USP20: variants seen among roughly 807,000 people sequenced by gnomAD.
USP20 encodes ubiquitin carboxyl-terminal hydrolase 20.
Under a neutral mutation model 124.2 loss-of-function variants are expected in USP20, and 80 were observed. The observed-to-expected ratio is 0.64, with a 90% CI of 0.54 to 0.78. The LOEUF is 0.78. Among genes scored for constraint, USP20 ranks in the 30% least tolerant of loss-of-function variants. The pLI is 0.00. For synonymous variants in USP20, 481 were observed against 512.3 expected (o/e 0.94, Z 0.83); for missense variants, 1,043 against 1,244.4 (o/e 0.84, Z 2.44).
chr9:129,869,306 C>T lies in USP20; in HGVS notation c.1277-4C>T. 1 of 1,612,444 alleles carries T rather than the reference C, an allele frequency of 6.2e-7. No homozygotes were observed. Among genetic ancestry groups the T allele is most frequent in the Non-Finnish European group, 8.5e-7 (1 of 1,179,014 alleles). ...GCTGGGCTAGTCCTGTGCTGTGTCCCCAGCCCAGGTATTGAGTGCTGGCAG... is the reference window on the plus strand; with the variant it reads ...GCTGGGCTAGTCCTGTGCTGTGTCCTCAGCCCAGGTATTGAGTGCTGGCAG... On this transcript the variant is annotated splice_polypyrimidine_tract_variant and splice_region_variant and intron_variant, in intron 12 of 25. Coordinates refer to ENST00000372429, the MANE Select transcript of USP20 (RefSeq NM_001110303.4).
intron 17 of USP20, among the ~76,000 whole-genome samples, chr9:129,874,328 G>T (rs536487867): frequency 6.6e-6 from 1 of 152,310 alleles, no homozygotes; most frequent in South Asian, 2.1e-4. Flanking sequence ...CTTCTCAAAG[G>T]TAGTGCCGAC....
chr9:129,853,125 T>A (rs1015698384), intron 3 of USP20, among the ~76,000 whole-genome samples: 1 of 152,186 alleles, frequency 6.6e-6, no homozygotes, highest in Non-Finnish European at 1.5e-5. Context: ...AAGAAGTCCT[T>A]CTCTCACCCC....
intron 1 of USP20, among the ~76,000 whole-genome samples, chr9:129,842,485 A>C (rs1395698612): frequency 1.3e-5 from 2 of 152,150 alleles, no homozygotes; most frequent in Non-Finnish European, 2.9e-5. Flanking sequence ...GTACATGGTC[A>C]GTGTTGGTTG....
intron 3 of USP20, among the ~76,000 whole-genome samples, chr9:129,853,187 A>C (rs1372251668): frequency 8.3e-6 from 1 of 120,276 alleles, no homozygotes; most frequent in African/African-American, 3.1e-5. Flanking sequence ...TCTCTTTTGT[A>C]TCTTTTCAGT....
chr9:129,876,251 AG>A lies in USP20; in HGVS notation c.2409+15del. ...CACCTTCATCAAGGTGCGTGCGGCG[AG>A]GCGGCGCGGGGGCGGCTCTGCCAGC... is the stretch of plus-strand genomic sequence containing the variant. On this transcript the variant is annotated intron_variant, in intron 22 of 25. Transcript: ENST00000372429. 1 of 1,602,170 alleles carries A rather than the reference AG, an allele frequency of 6.2e-7. No homozygotes were observed. The highest frequency in any genetic ancestry group is 1.1e-5 in the South Asian group (1 of 89,508).
In USP20 at chr9:129,856,267, C is replaced by T. The variant is rs761999452; in HGVS notation, c.82-40C>T. 9 of 1,605,966 alleles carry T rather than the reference C, an allele frequency of 5.6e-6. No individual in the cohort carries two copies. In the African/African-American group the frequency reaches 6.7e-5, roughly 12 times the overall value. ...TCAGTGCTCAGCCCCGCAACGGGCT[C>T]CTCATGCCTGCTCTTTTTCTCTCCT... On this transcript the variant is annotated intron_variant, in intron 3 of 25. Transcript: ENST00000372429.
intron 15 of USP20, among the ~76,000 whole-genome samples, chr9:129,870,881 T>C (rs2034088345): frequency 6.6e-6 from 1 of 152,260 alleles, no homozygotes; most frequent in South Asian, 2.1e-4. Context: ...ACTGGCTCTA[T>C]GTATTTATTT....
At chr9:129,857,133 T>C (rs7023998) in intron 4 of USP20, among the ~76,000 whole-genome samples, 133,416 of 152,064 alleles carry the variant, frequency 0.88, 58,912 homozygotes, top group East Asian at 1. Context: ...TTTGCAGAAG[T>C]GCAGGGGCCT....
rs1318860976 is a variant in USP20 at position 129,879,848 on chromosome 9, C to G, written c.2584+204C>G. On this transcript the variant is annotated intron_variant, in intron 24 of 25. Transcript: ENST00000372429. This position sits in a 1 kb window ranked among gnomAD's most constrained non-coding sequence, Gnocchi z 4.2. ...TGTCCTCCAGGTCCCACCCCTCTGC[C>G]TGCTGCTGGCCTTGCCCACCCTGCT... is the stretch of plus-strand genomic sequence containing the variant. Among the ~76,000 whole-genome samples, 3 of 152,164 alleles carry G rather than the reference C, an allele frequency of 2.0e-5. No individual in the cohort carries two copies. The highest frequency in any genetic ancestry group is 4.4e-5 in the Non-Finnish European group (3 of 68,026).
chr9:129,860,336 A>G (rs1270336793), intron 6 of USP20, among the ~76,000 whole-genome samples: 1 of 2,994 alleles, frequency 3.3e-4, no homozygotes, highest in Admixed American at 8.8e-3. Context: ...TCTCAAAAAG[A>G]AAAAAAAAAA....
intron 19 of USP20, 150 bp from the exon 20 acceptor site, chr9:129,875,160 A>AG: frequency 1.6e-6 from 2 of 1,227,956 alleles, no homozygotes; most frequent in East Asian, 5.1e-5. Context: ...CTGGCGGCAC[A>AG]GGGGGCTGCT....
Position 129,879,637 on chromosome 9 carries a change from G to A in USP20, c.2577G>A (p.Leu859=), listed in dbSNP as rs1564226749. The change falls in exon 24 of 26, where the codon CTG becomes CTA. Residue 859 remains leucine, a synonymous_variant. Coordinates refer to ENST00000372429, the MANE Select transcript of USP20 (RefSeq NM_001110303.4). The surrounding 1 kb of genome is among the most constrained non-coding windows in gnomAD (Gnocchi z 4.2). ...AQVKGSGHVQ[L]KQGADYGQIS... is the part of the protein sequence containing the mutation. ...TCAAAGGAAGCGGCCATGTCCAGCT[G>A]AAGCAGGGTGAGTTCCCCCTGGGGT... 1 of 1,613,976 alleles carries A rather than the reference G, an allele frequency of 6.2e-7. No individual in the cohort carries two copies.
rs2033433928 is a variant in USP20 at position 129,859,670 on chromosome 9, A to G, written c.330+1072A>G. The stretch of plus-strand genomic sequence containing the variant: ...ACTTGGTAGATATTTATGAATTTTT[A>G]TAGAAAAGGCTATAAAACAGTATAT... On this transcript the variant is annotated intron_variant, in intron 6 of 25. Transcript: ENST00000372429. Among the ~76,000 whole-genome samples, 3 of 152,178 alleles carry G rather than the reference A, an allele frequency of 2.0e-5. No homozygotes were observed. The South Asian group carries it at 6.2e-4, about 31-fold the overall frequency.
intron 1 of USP20, among the ~76,000 whole-genome samples, chr9:129,846,419 A>G (rs1356814663): frequency 6.7e-6 from 1 of 148,182 alleles, no homozygotes; most frequent in African/African-American, 2.6e-5. Context: ...CACCATGCCC[A>G]CCTAATTTTT....
chr9:129,864,408 CTGCAGTGAGCTTGATCAT>C (rs2033716345), intron 9 of USP20, among the ~76,000 whole-genome samples: 1 of 147,262 alleles, frequency 6.8e-6, no homozygotes, highest in South Asian at 2.1e-4. Flanking sequence ...TTGAGGCAGG[CTGCAGTGAGCTTGATCAT>C]GCCATTGCAC....
chr9:129,842,928 T>C (rs1173390280), intron 1 of USP20, among the ~76,000 whole-genome samples: 3 of 152,142 alleles, frequency 2.0e-5, no homozygotes, highest in Admixed American at 1.3e-4. Context: ...GTGTTTTCTG[T>C]ACTACCGCCC....
At chr9:129,856,183 G>A in intron 3 of USP20, 124 bp from the exon 4 acceptor site, 1 of 943,524 alleles carries the variant, frequency 1.1e-6, no homozygotes, top group Non-Finnish European at 1.7e-6. Context: ...GCCAGGGCTT[G>A]AAGCTGAGAC....
chr9:129,838,856 G>A (rs550125161), intron 1 of USP20, among the ~76,000 whole-genome samples: 2 of 152,292 alleles, frequency 1.3e-5, no homozygotes, highest in Admixed American at 6.5e-5. Context: ...CCAAACCCAC[G>A]CCTTCTCCAA....
At chr9:129,865,828 C>T (rs988773230) in intron 10 of USP20, among the ~76,000 whole-genome samples, 1 of 152,112 alleles carries the variant, frequency 6.6e-6, no homozygotes, top group Admixed American at 6.6e-5. Context: ...CTGCACCCGG[C>T]GGAGGGGAGA....
Sources: allele counts gnomAD v4.1 joint callset (sites outside exome capture counted in the v4.1 genomes callset), GRCh38; gene constraint gnomAD v4.1.1; non-coding constraint Gnocchi (gnomAD v3.1); transcripts MANE v1.5; gene names NCBI Gene and HGNC (gene_info 2026-07-23, HGNC 2026-07-21).